Variants in CDH26 observed in about 807,000 individuals in gnomAD.
CDH26 encodes cadherin 26.
CDH26 carries 83 observed loss-of-function variants against 90.3 expected under a neutral mutation model. That is an observed-to-expected ratio of 0.92 (90% confidence interval 0.77 to 1.10). The LOEUF is 1.10. Ranked by LOEUF, CDH26 falls within the 50% of genes least tolerant of loss-of-function variation. CDH26 has a pLI of 0.00. For missense variants in CDH26, 1,013 were observed against 1,037.6 expected, an observed-to-expected ratio of 0.98 and a Z score of 0.33; for synonymous variants, 397 against 396.3, an observed-to-expected ratio of 1.00 and a Z score of -0.02.
intron 9 of CDH26, 50 bp downstream of exon 9, chr20:59,989,213 A>G (rs201853074): frequency 3.1e-6 from 5 of 1,604,554 alleles, no homozygotes; most frequent in East Asian, 4.5e-5. Context: ...AAATAGCCAC[A>G]TAACCAAGAG....
At chr20:60,027,480 A>C (rs1009942339) in intron 7 of CDH26, among the ~76,000 whole-genome samples, 1 of 150,744 alleles carries the variant, frequency 6.6e-6, no homozygotes, top group African/African-American at 2.4e-5. Flanking sequence ...TTCTTCTTTC[A>C]TCCTATTCTT....
chr20:59,975,764 T>A (rs1003693550), intron 4 of CDH26, among the ~76,000 whole-genome samples: 4 of 152,188 alleles, frequency 2.6e-5, no homozygotes, highest in African/African-American at 7.2e-5. Context: ...CAAGTAAGCC[T>A]AATGTAGTGG....
At chr20:60,028,375 T>C (rs1454030271) in intron 7 of CDH26, among the ~76,000 whole-genome samples, 1 of 152,264 alleles carries the variant, frequency 6.6e-6, no homozygotes, top group Admixed American at 6.5e-5. Context: ...CCACTGGGAC[T>C]GCAGGCTCCT....
At chr20:59,961,580 A>G (rs1410735386) in intron 1 of CDH26, among the ~76,000 whole-genome samples, 1 of 152,080 alleles carries the variant, frequency 6.6e-6, no homozygotes, top group East Asian at 1.9e-4. Flanking sequence ...TATGACAGAT[A>G]CCTACTTCCC....
Position 59,989,143 on chromosome 20 carries a change from G to A in CDH26, c.1263G>A (p.Met421Ile). The change falls in exon 9 of 18, where the codon ATG (methionine) becomes ATA (isoleucine). Residue 421 changes from methionine to isoleucine, a missense_variant. Coordinates refer to ENST00000348616, the MANE Select transcript of CDH26 (RefSeq NM_177980.4). Reference sequence around the variant, plus strand: ...CCCTGTTGGGAACTTTTAATGCCATGGATCCAGACAGCCAGATAAGGTGAG... The same window carrying A: ...CCCTGTTGGGAACTTTTAATGCCATAGATCCAGACAGCCAGATAAGGTGAG... Reference protein sequence around the residue: ...PGTLLGTFNAMDPDSQIRYEL... With the variant: ...PGTLLGTFNAIDPDSQIRYEL... The A allele has an allele frequency of 6.2e-7, 1 of 1,614,188 alleles. No individual in the cohort carries two copies. Among genetic ancestry groups the A allele is most frequent in the East Asian group, 2.2e-5 (1 of 44,884 alleles).
chr20:59,995,199 T>C (rs954082853), intron 11 of CDH26, among the ~76,000 whole-genome samples: 13 of 152,166 alleles, frequency 8.5e-5, no homozygotes, highest in Non-Finnish European at 1.6e-4. Context: ...GTGATCTCTA[T>C]TGGGGTATCA....
At chr20:59,984,484 T>C (rs2061428696) in intron 5 of CDH26, among the ~76,000 whole-genome samples, 155 bp from the exon 6 acceptor site, 1 of 152,260 alleles carries the variant, frequency 6.6e-6, no homozygotes, top group African/African-American at 2.4e-5. Context: ...ATATTCATCC[T>C]TATCTTTTCT....
intron 15 of CDH26, among the ~76,000 whole-genome samples, chr20:60,002,088 T>A (rs995296615): frequency 6.6e-6 from 1 of 152,206 alleles, no homozygotes; most frequent in African/African-American, 2.4e-5. Flanking sequence ...TTTTCTGATA[T>A]AGAATTAAAA....
chr20:60,012,971 A>G lies in CDH26; in HGVS notation c.*241A>G. 2.4e-6 allele frequency: 1 copy of G among 424,090 alleles called. No homozygotes were observed. Among genetic ancestry groups the G allele is most frequent in the Non-Finnish European group, 4.2e-6 (1 of 237,092 alleles). The allele number at this position is 424,090 out of a possible 1,614,324, so 26.3% of individuals were successfully genotyped here. On this transcript the variant is annotated 3_prime_UTR_variant, in exon 18 of 18. Transcript: ENST00000348616. ...TTGATTTGTCATATTTTCTAGAGAA[A>G]CTTGAATTTAATTGTGTTATTCTTA... is the stretch of plus-strand genomic sequence containing the variant.
chr20:59,960,163 C>A, intron 1 of CDH26, among the ~76,000 whole-genome samples: 1 of 152,152 alleles, frequency 6.6e-6, no homozygotes, highest in Non-Finnish European at 1.5e-5. Flanking sequence ...CAAGGGATCT[C>A]AGTGCCTGGG....
intron 5 of CDH26, 129 bp from the exon 6 acceptor site, chr20:59,984,510 T>C (rs1172123324): frequency 1.5e-6 from 1 of 652,146 alleles, no homozygotes; most frequent in Non-Finnish European, 2.6e-6. Context: ...GTCCATAGTT[T>C]ATTTTATATT....
chr20:60,034,438 C>G (rs535668954), downstream of CDH26, among the ~76,000 whole-genome samples: 8 of 152,274 alleles, frequency 5.3e-5, no homozygotes, highest in East Asian at 1.4e-3. Context: ...GAGCAGAGAC[C>G]CAGAGTTCAG....
chr20:60,004,066 G>A (rs958031279), intron 16 of CDH26, among the ~76,000 whole-genome samples: 1 of 152,184 alleles, frequency 6.6e-6, no homozygotes, highest in Admixed American at 6.5e-5. Context: ...GAGGCCCCTG[G>A]GGCTAAACAG....
At position 59,984,769 on chromosome 20, in the gene CDH26, T is replaced by C; in HGVS notation, c.672T>C (p.Ser224=). The change falls in exon 6 of 18, where the codon AGT becomes AGC. Residue 224 remains serine (S), a synonymous_variant. Coordinates refer to ENST00000348616, the MANE Select transcript of CDH26 (RefSeq NM_177980.4). ...KESGFRVDRL[S]GEIRLSGCLD... is the part of the protein sequence containing the mutation. Reference sequence around the variant, plus strand: ...GTGGTTTCCGGGTTGATCGCCTTAGTGGAGAAATACGACTCTCTGGCTGCT... The same window carrying C: ...GTGGTTTCCGGGTTGATCGCCTTAGCGGAGAAATACGACTCTCTGGCTGCT... 6.2e-7 allele frequency: 1 copy of C among 1,613,048 alleles called. No individual in the cohort carries two copies. Among genetic ancestry groups the C allele is most frequent in the South Asian group, 1.1e-5 (1 of 90,672 alleles).
intron 16 of CDH26, among the ~76,000 whole-genome samples, chr20:60,006,168 C>G (rs2061746996): frequency 6.6e-6 from 1 of 152,226 alleles, no homozygotes; most frequent in Non-Finnish European, 1.5e-5. Flanking sequence ...CCAGGCCAGC[C>G]TGACTCACAT....
chr20:60,006,204 C>T (rs903137557), intron 16 of CDH26, among the ~76,000 whole-genome samples: 1 of 152,168 alleles, frequency 6.6e-6, no homozygotes, highest in Non-Finnish European at 1.5e-5. Flanking sequence ...TTTGTGAGCC[C>T]CCAGATAGCC....
At chr20:59,991,616 TGAG>T (rs1412386255) in intron 9 of CDH26, among the ~76,000 whole-genome samples, 1 of 152,130 alleles carries the variant, frequency 6.6e-6, no homozygotes, top group Non-Finnish European at 1.5e-5. Flanking sequence ...CCACGCAACA[TGAG>T]AGAGGGATCC....
At chr20:59,998,166 C>G (rs534577443) in intron 13 of CDH26, among the ~76,000 whole-genome samples, 6 of 152,238 alleles carry the variant, frequency 3.9e-5, no homozygotes, top group Non-Finnish European at 7.3e-5. Flanking sequence ...GAATTTCTTG[C>G]CTTGGACAGT....
intron 1 of CDH26, among the ~76,000 whole-genome samples, chr20:59,967,325 T>C (rs1190562681): frequency 6.6e-6 from 1 of 152,224 alleles, no homozygotes; most frequent in African/African-American, 2.4e-5. Context: ...TCTCTATTTC[T>C]TTCTGTATGC....
Sources: allele counts gnomAD v4.1 joint callset (sites outside exome capture counted in the v4.1 genomes callset), GRCh38; gene constraint gnomAD v4.1.1; transcripts MANE v1.5; gene names NCBI Gene and HGNC (gene_info 2026-07-23, HGNC 2026-07-21).